KCNIP4: variants seen among roughly 807,000 people sequenced by gnomAD.
KCNIP4 encodes the protein potassium voltage-gated channel interacting protein 4.
A neutral mutation model predicts 34.0 loss-of-function variants in KCNIP4; 12 were observed. The observed-to-expected ratio is 0.35, with a 90% CI of 0.23 to 0.57. The LOEUF (loss-of-function observed/expected upper bound fraction) is 0.57, where lower values mean the gene tolerates loss of function less well. Among genes scored for constraint, KCNIP4 ranks in the 20% least tolerant of loss-of-function variants. The pLI is 0.83. For missense variants in KCNIP4, 238 were observed against 311.7 expected (o/e 0.76, Z 1.78); for synonymous variants, 124 against 102.2 (o/e 1.21, Z -1.29).
chr4:21,353,049 G>C (rs1040758648), intron 1 of KCNIP4, among the ~76,000 whole-genome samples: 1 of 152,184 alleles, frequency 6.6e-6, no homozygotes, highest in African/African-American at 2.4e-5. Context: ...ACCTGCAGCT[G>C]AGGGATCTGA....
intron 1 of KCNIP4, among the ~76,000 whole-genome samples, chr4:21,277,488 A>G (rs535097770): frequency 6.6e-6 from 1 of 152,346 alleles, no homozygotes; most frequent in East Asian, 1.9e-4. Flanking sequence ...TAGCCATTGT[A>G]TAATAAAAGA....
At chr4:20,737,415 C>T (rs983351273) in intron 5 of KCNIP4, among the ~76,000 whole-genome samples, 1 of 152,056 alleles carries the variant, frequency 6.6e-6, no homozygotes, top group African/African-American at 2.4e-5. Context: ...ACTTTGAATA[C>T]TGAAGAGAAG....
At chr4:21,387,177 C>G (rs1244865972) in intron 1 of KCNIP4, among the ~76,000 whole-genome samples, 1 of 152,080 alleles carries the variant, frequency 6.6e-6, no homozygotes. Context: ...ATGAACTGCT[C>G]AGTAGGGACT....
At chr4:21,838,260 T>A (rs1446404108) in intron 1 of KCNIP4, among the ~76,000 whole-genome samples, 5 of 152,118 alleles carry the variant, frequency 3.3e-5, no homozygotes, top group African/African-American at 1.2e-4. Context: ...GAAAGTGACA[T>A]CAAAAAAAGT....
chr4:20,976,260 C>A (rs1224387549), intron 1 of KCNIP4, among the ~76,000 whole-genome samples: 1 of 152,104 alleles, frequency 6.6e-6, no homozygotes, highest in African/African-American at 2.4e-5. Flanking sequence ...GAATTGGAAA[C>A]TCCATGGGTT....
At chr4:21,937,228 A>G (rs1379858181) in intron 1 of KCNIP4, among the ~76,000 whole-genome samples, 3 of 152,066 alleles carry the variant, frequency 2.0e-5, no homozygotes, top group African/African-American at 4.8e-5. Context: ...CTCAAAATCA[A>G]TATTTCTAAA....
At chr4:21,608,949 G>C (rs1042456250) in intron 1 of KCNIP4, 1 of 152,240 alleles carries the variant, frequency 6.6e-6, no homozygotes, top group Non-Finnish European at 1.5e-5. Context: ...ACTAGAGGTA[G>C]GTGGTGCTTC....
At chr4:21,763,171 A>T in intron 1 of KCNIP4, 4 of 1,166,444 alleles carry the variant, frequency 3.4e-6, no homozygotes, top group Non-Finnish European at 4.5e-6. Flanking sequence ...AAATGTGAAG[A>T]ACATTGCCCA....
chr4:20,834,995 C>A (rs1349263536), intron 3 of KCNIP4, among the ~76,000 whole-genome samples: 1 of 152,158 alleles, frequency 6.6e-6, no homozygotes, highest in Admixed American at 6.5e-5. Flanking sequence ...CTAATGTTTT[C>A]ATTCAATTCT....
Position 21,248,060 on chromosome 4 carries a change from A to ATGTG in KCNIP4, c.62-365355_62-365352dup, listed in dbSNP as rs111240655. Among the ~76,000 whole-genome samples, 1,272 of 145,310 alleles carry ATGTG rather than the reference A, an allele frequency of 8.8e-3. 6 individuals carry two copies. The highest frequency in any genetic ancestry group is 0.012 in the Admixed American group (178 of 14,416). On this transcript the variant is annotated intron_variant, in intron 1 of 8. Transcript: ENST00000382152. ...CACCACAGGTGGAGCATATATATAT[A>ATGTG]TGTGTGTGTGTGTGTGTGTTCTGCA...
intron 1 of KCNIP4, among the ~76,000 whole-genome samples, chr4:21,037,373 T>C (rs1374756969): frequency 3.3e-5 from 5 of 152,238 alleles, no homozygotes; most frequent in Non-Finnish European, 7.3e-5. Flanking sequence ...TGCATAGGTC[T>C]ACCATTTCTT....
intron 1 of KCNIP4, among the ~76,000 whole-genome samples, chr4:21,741,615 TA>T (rs1577926974): frequency 1.3e-5 from 2 of 152,290 alleles, no homozygotes; most frequent in East Asian, 3.9e-4. Flanking sequence ...GTCTTAGTTT[TA>T]AAAAGGCAAT....
At chr4:21,139,864 G>A (rs1751807987) in intron 1 of KCNIP4, among the ~76,000 whole-genome samples, 1 of 152,124 alleles carries the variant, frequency 6.6e-6, no homozygotes. Flanking sequence ...AAGTGTAGAA[G>A]AAAACACAAG....
At position 21,854,906 on chromosome 4, in the gene KCNIP4, T is replaced by G. The variant is rs565061578; in HGVS notation, c.61+93665A>C. 6.6e-5 allele frequency among the ~76,000 whole-genome samples: 10 copies of G among 152,366 alleles called. No individual in the cohort carries two copies. The South Asian group carries it at 1.0e-3, about 16-fold the overall frequency. On this transcript the variant is annotated intron_variant, in intron 1 of 8. Transcript: ENST00000382152. Reference sequence around the variant, plus strand: ...GTGTATCTGCCTTGAGAGTTTGGACTGTGTTTTAATCAATATTGGATCATT... The same window carrying G: ...GTGTATCTGCCTTGAGAGTTTGGACGGTGTTTTAATCAATATTGGATCATT...
intron 1 of KCNIP4, among the ~76,000 whole-genome samples, chr4:21,435,599 T>C (rs116008232): frequency 0.01 from 1,556 of 152,318 alleles, 28 homozygotes; most frequent in African/African-American, 0.035. Context: ...CACGGATTCT[T>C]GGTGTCTGAA....
chr4:21,400,648 A>T (rs1227735931), intron 1 of KCNIP4, among the ~76,000 whole-genome samples: 1 of 151,746 alleles, frequency 6.6e-6, no homozygotes, highest in African/African-American at 2.4e-5. Flanking sequence ...AATTAGCATC[A>T]AGTGCAAATC....
chr4:21,168,131 A>G (rs1753767507), intron 1 of KCNIP4, among the ~76,000 whole-genome samples: 1 of 152,140 alleles, frequency 6.6e-6, no homozygotes, highest in Admixed American at 6.5e-5. Context: ...AAAGAGTATT[A>G]TTTTTATTTT....
At chr4:21,590,155 A>C (rs1742075518) in intron 1 of KCNIP4, among the ~76,000 whole-genome samples, 1 of 152,012 alleles carries the variant, frequency 6.6e-6, no homozygotes, top group Non-Finnish European at 1.5e-5. Flanking sequence ...AGCCAAAAAA[A>C]CTAGAGGAGG....
chr4:21,232,852 T>C (rs1758900272), intron 1 of KCNIP4, among the ~76,000 whole-genome samples: 1 of 152,132 alleles, frequency 6.6e-6, no homozygotes, highest in African/African-American at 2.4e-5. Flanking sequence ...AGAAGTATCA[T>C]ATATGAGATT....
Sources: allele counts gnomAD v4.1 joint callset (sites outside exome capture counted in the v4.1 genomes callset), GRCh38; gene constraint gnomAD v4.1.1; transcripts MANE v1.5; gene names NCBI Gene and HGNC (gene_info 2026-07-23, HGNC 2026-07-21).